The following MYH2 variants were observed in gnomAD, a reference collection of about 807,000 sequenced individuals.
MYH2 encodes myosin-2.
Under a neutral mutation model 228.1 loss-of-function variants are expected in MYH2, and 139 were observed. That is an observed-to-expected ratio of 0.61 (90% CI 0.53 to 0.70). The LOEUF (loss-of-function observed/expected upper bound fraction) is 0.70, where lower values mean the gene tolerates loss of function less well. Ranked by LOEUF, MYH2 falls within the 30% of genes least tolerant of loss-of-function variation. The probability of loss-of-function intolerance (pLI) is 0.00; values close to 1 mark genes in which losing one functional copy is unlikely to be tolerated. For synonymous variants in MYH2, 796 were observed against 871.1 expected, an observed-to-expected ratio of 0.91 and a Z score of 1.52; for missense variants, 1,809 against 2,357.5, an observed-to-expected ratio of 0.77 and a Z score of 4.82.
chr17:10,534,915 TC>T (rs2073465501), intron 19 of MYH2, 157 bp downstream of exon 19: 1 of 943,854 alleles, frequency 1.1e-6, no homozygotes, highest in African/African-American at 1.6e-5. Flanking sequence ...AGACTTTGTC[TC>T]AAAACAAAAG....
In MYH2 at chr17:10,533,196, G is replaced by A. The variant is rs1178779035; in HGVS notation, c.2441+89C>T. ...AGGACTCTTATTCATTTCTTCTTTAGTGTCCTTATCATAAGCTGAGTCTTA... is the reference window on the plus strand; with the variant it reads ...AGGACTCTTATTCATTTCTTCTTTAATGTCCTTATCATAAGCTGAGTCTTA... On this transcript the variant is annotated intron_variant, in intron 21 of 39. Coordinates refer to ENST00000245503, the MANE Select transcript of MYH2 (RefSeq NM_017534.6). 4.5e-6 allele frequency: 7 copies of A among 1,565,628 alleles called. No homozygotes were observed. The African/African-American group carries it at 6.8e-5, about 15-fold the overall frequency.
chr17:10,528,193 G>A (rs574483226), intron 27 of MYH2, among the ~76,000 whole-genome samples: 6 of 151,718 alleles, frequency 4.0e-5, no homozygotes, highest in Admixed American at 6.6e-5. Flanking sequence ...GCAGGCGCGC[G>A]CCACCACACT....
rs2073407756 is a variant in MYH2, at chr17:10,530,088, CA to C, written c.2698-15del. 6 of 1,614,226 alleles carry C rather than the reference CA, an allele frequency of 3.7e-6. No homozygotes were observed. Among genetic ancestry groups the C allele is most frequent in the Non-Finnish European group, 5.1e-6 (6 of 1,180,040 alleles). On this transcript the variant is annotated splice_polypyrimidine_tract_variant and intron_variant, in intron 22 of 39. Coordinates refer to ENST00000245503, the MANE Select transcript of MYH2 (RefSeq NM_017534.6). ...GCCTTCGGCTTCCTTAAGTTGGAAA[CA>C]AGATCAAAATTGGGAAGAAAGAATG...
intron 2 of MYH2, 105 bp from the exon 3 acceptor site, chr17:10,548,045 A>G (rs2073657632): frequency 1.0e-6 from 1 of 968,548 alleles, no homozygotes; most frequent in Admixed American, 2.0e-5. Context: ...ATTCCACTAG[A>G]CAGGTCTACT....
rs886052573 is a variant in MYH2 at position 10,547,522 on chromosome 17, C to G, written c.301G>C (p.Ala101Pro). 1 of 1,614,126 alleles carries G rather than the reference C, an allele frequency of 6.2e-7. No individual in the cohort carries two copies. Among genetic ancestry groups the G allele is most frequent in the Non-Finnish European group, 8.5e-7 (1 of 1,180,012 alleles). Residue 101 changes from alanine (A) to proline (P), a missense_variant, in exon 4 of 40, where the codon GCT (alanine) becomes CCT (proline). Ala to Pro is a conservative substitution (Grantham distance 27). Coordinates refer to ENST00000245503, the MANE Select transcript of MYH2 (RefSeq NM_017534.6). The stretch of plus-strand genomic sequence containing the variant: ...CGTTCTTTGAGGTTGTACAGCACAG[C>G]AGGCTCATGCAGATGAGTCATCATG... ...MAMMTHLHEP[A>P]VLYNLKERYA...
chr17:10,530,736 G>A (rs1283710606), intron 22 of MYH2, among the ~76,000 whole-genome samples: 1 of 152,142 alleles, frequency 6.6e-6, no homozygotes, highest in Non-Finnish European at 1.5e-5. Context: ...AGGAATGCAG[G>A]GTGCTATGTA....
chr17:10,534,105 C>T lies in MYH2; in HGVS notation c.2181-473G>A, dbSNP rs117747980. Reference sequence around the variant, plus strand: ...AATCCTCTGTCAGTGCCACCTGACCCAGACCTGGGAGAGATCAGCTCCTAG... The same window carrying T: ...AATCCTCTGTCAGTGCCACCTGACCTAGACCTGGGAGAGATCAGCTCCTAG... On this transcript the variant is annotated intron_variant, in intron 19 of 39. Coordinates refer to ENST00000245503, the MANE Select transcript of MYH2 (RefSeq NM_017534.6). 2.1e-3 allele frequency among the ~76,000 whole-genome samples: 322 copies of T among 152,274 alleles called. 1 individual carries two copies. The highest frequency in any genetic ancestry group is 1.2e-3 in the East Asian group (6 of 5,180).
intron 19 of MYH2, among the ~76,000 whole-genome samples, chr17:10,534,649 G>C (rs2073462052): frequency 6.6e-6 from 1 of 152,218 alleles, no homozygotes; most frequent in African/African-American, 2.4e-5. Flanking sequence ...GGGCATGGTG[G>C]CTCATGCCTG....
chr17:10,540,557 CA>C (rs1214337168), intron 11 of MYH2, 36 bp downstream of exon 11: 2 of 1,498,522 alleles, frequency 1.3e-6, no homozygotes, highest in Non-Finnish European at 1.9e-6. Context: ...TACTCTGACC[CA>C]CCATAATAAT....
Position 10,527,074 on chromosome 17 carries a change from T to A in MYH2, c.3872-18A>T. 2 of 1,605,764 alleles carry A rather than the reference T, an allele frequency of 1.2e-6. No individual in the cohort carries two copies. Among genetic ancestry groups the A allele is most frequent in the Non-Finnish European group, 1.7e-6 (2 of 1,172,448 alleles). ...AAACTCACCTGATGGACAAAAGAAA[T>A]GGCACCATTTTTTAGGTGAAAAACA... On this transcript the variant is annotated intron_variant, in intron 28 of 39. Coordinates refer to ENST00000245503, the MANE Select transcript of MYH2 (RefSeq NM_017534.6).
Position 10,524,376 on chromosome 17 carries a change from A to G in MYH2, c.5175+90T>C. ...TTTGAAAAGAAAATTTGATAGACATATTAGGTCTAGCTGTCTTATGAAAAC... is the reference window on the plus strand; with the variant it reads ...TTTGAAAAGAAAATTTGATAGACATGTTAGGTCTAGCTGTCTTATGAAAAC... On this transcript the variant is annotated intron_variant, in intron 35 of 39. Transcript: ENST00000245503. The surrounding 1 kb of genome is among the most constrained non-coding windows in gnomAD (Gnocchi z 4.7). 1 of 1,514,188 alleles carries G rather than the reference A, an allele frequency of 6.6e-7. No homozygotes were observed. The highest frequency in any genetic ancestry group is 1.7e-5 in the Admixed American group (1 of 59,714). The allele number at this position is 1,514,188 out of a possible 1,614,324, so 93.8% of individuals were successfully genotyped here. A position where few individuals can be genotyped will look rare whatever the true frequency, so the allele number is the denominator to read the frequency against.
chr17:10,529,863 A>G lies in MYH2; in HGVS notation c.2909T>C (p.Val970Ala), dbSNP rs757738360. ...TTCTGTGGCATGTTTCTCCTTCTCA[A>G]CCTTGGCCAGTGTCAGCTCAAGGTC... The part of the protein sequence containing the change: ...IDDLELTLAK[V>A]EKEKHATENK... Residue 970 changes from valine to alanine, a missense_variant, in exon 23 of 40, where the codon GTT (valine) becomes GCT (alanine). Physicochemically the swap from Val to Ala is moderately conservative, Grantham distance 64. Around this residue, in one of 9 missense-constraint regions of MYH2, gnomAD observed 43 missense variants for 89.2 expected, o/e 0.48. Coordinates refer to ENST00000245503, the MANE Select transcript of MYH2 (RefSeq NM_017534.6). 12 of 1,613,562 alleles carry G rather than the reference A, an allele frequency of 7.4e-6. No homozygotes were observed. The highest frequency in any genetic ancestry group is 6.6e-5 in the South Asian group (6 of 91,060).
Position 10,527,152 on chromosome 17 carries a change from T to G in MYH2, c.3872-96A>C, listed in dbSNP as rs1014886477. On this transcript the variant is annotated intron_variant, in intron 28 of 39. Coordinates refer to ENST00000245503, the MANE Select transcript of MYH2 (RefSeq NM_017534.6). ...AATTTTGACTCTTATTTTCCCAAAT[T>G]GAGTGCTCAGATGGTTGAATTCTAT... 4.5e-6 allele frequency: 5 copies of G among 1,104,498 alleles called. No individual in the cohort carries two copies. In the Admixed American group the frequency reaches 8.6e-5, roughly 19 times the overall value. The allele number at this position is 1,104,498 out of a possible 1,614,324, so 68.4% of individuals were successfully genotyped here. A position where few individuals can be genotyped will look rare whatever the true frequency, so the allele number is the denominator to read the frequency against.
rs202198533 is a variant in MYH2 at position 10,533,547 on chromosome 17, C to T, written c.2266G>A (p.Asp756Asn). ...KASEKLLASI[D>N]IDHTQYKFGH... The stretch of plus-strand genomic sequence containing the variant: ...AATTTATACTGGGTGTGGTCAATGT[C>T]GATGGATGCAAGGAGCTTCTCAGAG... Residue 756 changes from aspartate (D) to asparagine (N), a missense_variant, in exon 20 of 40, where the codon GAC becomes AAC. Physicochemically the swap from Asp to Asn is conservative, Grantham distance 23 (BLOSUM62 1). This residue lies in a region of MYH2 where 276 missense variants were observed against 344.2 expected (regional missense o/e 0.80). Coordinates refer to ENST00000245503, the MANE Select transcript of MYH2 (RefSeq NM_017534.6). 6.9e-5 allele frequency: 111 copies of T among 1,614,132 alleles called. 1 individual carries two copies. In the East Asian group the frequency reaches 1.5e-3, roughly 22 times the overall value.
In MYH2 at chr17:10,529,846, C is replaced by G. The variant is rs1452308004; in HGVS notation, c.2926G>C (p.Ala976Pro). 5 of 1,613,904 alleles carry G rather than the reference C, an allele frequency of 3.1e-6. No homozygotes were observed. Among genetic ancestry groups the G allele is most frequent in the Non-Finnish European group, 4.2e-6 (5 of 1,179,980 alleles). The change falls in exon 23 of 40, where the codon GCC becomes CCC. Residue 976 changes from alanine to proline, a missense_variant. By Grantham distance (27) the Ala-to-Pro change is conservative. This residue lies in a region of MYH2 where 43 missense variants were observed against 89.2 expected (regional missense o/e 0.48). Transcript: ENST00000245503. ...TLAKVEKEKH[A>P]TENKVKNLTE... is the part of the protein sequence containing the mutation. ...ATGATTGATACCTTGTTTTCTGTGG[C>G]ATGTTTCTCCTTCTCAACCTTGGCC...
rs753714787 is a variant in MYH2, at chr17:10,525,467, C to T, written c.4521G>A (p.Glu1507=). The change falls in exon 32 of 40, where the codon GAG becomes GAA. Residue 1507 remains glutamate, a synonymous_variant. Coordinates refer to ENST00000245503, the MANE Select transcript of MYH2 (RefSeq NM_017534.6). The surrounding 1 kb of genome is among the most constrained non-coding windows in gnomAD (Gnocchi z 4.2). ...SLDQLETLKR[E]NKNLQQEISD... is the part of the protein sequence containing the mutation. ...GGGACTTACGCTGTAAGTTTTTGTT[C>T]TCTCGCTTCAGGGTTTCTAGCTGAT... is the stretch of plus-strand genomic sequence containing the variant. 1.9e-6 allele frequency: 3 copies of T among 1,614,134 alleles called. No individual in the cohort carries two copies. The highest frequency in any genetic ancestry group is 1.1e-5 in the South Asian group (1 of 91,070).
At position 10,527,881 on chromosome 17, in the gene MYH2, A is replaced by G; in HGVS notation, c.3745-7T>C. 6.2e-7 allele frequency: 1 copy of G among 1,612,462 alleles called. No homozygotes were observed. Among genetic ancestry groups the G allele is most frequent in the Non-Finnish European group, 8.5e-7 (1 of 1,179,960 alleles). ...ACATTTTCTCTAGGTTTCCCTATAG[A>G]AGAAAAAGTAAAAGAAGAAAACAGA... On this transcript the variant is annotated splice_region_variant and splice_polypyrimidine_tract_variant and intron_variant, in intron 27 of 39. Coordinates refer to ENST00000245503, the MANE Select transcript of MYH2 (RefSeq NM_017534.6).
At chr17:10,528,135 C>T (rs1313761353) in intron 27 of MYH2, among the ~76,000 whole-genome samples, 4 of 151,088 alleles carry the variant, frequency 2.6e-5, no homozygotes, top group African/African-American at 4.9e-5. Flanking sequence ...CCTCCGCCTC[C>T]CGGGTTCAAG....
In MYH2 at chr17:10,547,906, T is replaced by G; in HGVS notation, c.15A>C (p.Ser5=). 1 of 1,614,210 alleles carries G rather than the reference T, an allele frequency of 6.2e-7. No homozygotes were observed. Among genetic ancestry groups the G allele is most frequent in the Non-Finnish European group, 8.5e-7 (1 of 1,180,030 alleles). The change falls in exon 3 of 40, where the codon TCA becomes TCC. Residue 5 remains serine, a synonymous_variant. Transcript: ENST00000245503. The stretch of plus-strand genomic sequence containing the variant: ...CAGCCTCCCCAAAAACAGCCAATTC[T>G]GAGTCTGAACTCATGGCTGCTGAAC... MSSD[S]ELAVFGEAAP...
Sources: allele counts gnomAD v4.1 joint callset (sites outside exome capture counted in the v4.1 genomes callset), GRCh38; gene constraint gnomAD v4.1.1; regional missense constraint gnomAD v4.1.1; non-coding constraint Gnocchi (gnomAD v3.1); transcripts MANE v1.5; gene names NCBI Gene and HGNC (gene_info 2026-07-23, HGNC 2026-07-21).